LOXL2: variants seen among roughly 807,000 people sequenced by gnomAD.
The protein encoded by LOXL2 is lysyl oxidase homolog 2.
In LOXL2, 70 loss-of-function variants were observed where a neutral mutation model predicts 93.0. The observed-to-expected ratio is 0.75, with a 90% CI of 0.62 to 0.92. LOXL2 has a LOEUF of 0.92. LOXL2 is among the 40% of genes least tolerant of loss of function. LOXL2 has a pLI of 0.00. For missense variants in LOXL2, 973 were observed against 1,054.9 expected, an observed-to-expected ratio of 0.92 and a Z score of 1.08; for synonymous variants, 438 against 413.2, an observed-to-expected ratio of 1.06 and a Z score of -0.73.
Position 23,403,979 on chromosome 8 carries a change from G to T in LOXL2, c.-109C>A. 1 of 165,866 alleles carries T rather than the reference G, an allele frequency of 6.0e-6. No individual in the cohort carries two copies. Among genetic ancestry groups the T allele is most frequent in the Non-Finnish European group, 1.3e-5 (1 of 74,940 alleles). 10.3% of individuals were successfully genotyped at this position (165,866 alleles called of 1,614,324 possible). On this transcript the variant is annotated 5_prime_UTR_variant, in exon 1 of 14. Transcript: ENST00000389131. ...TTGGTTTCAGGGATCCGCAGTGGCC[G>T]GGCTGGGACCGCGCTCTCCACGGTG...
rs1475118378 is a variant in LOXL2, at chr8:23,393,888, A to G, written c.-84+10066T>C. On this transcript the variant is annotated intron_variant, in intron 1 of 13. Coordinates refer to ENST00000389131, the MANE Select transcript of LOXL2 (RefSeq NM_002318.3). ...TAAGCTGGTGATCCCTCTAGAGGGTAAGCATCTGTAGCTTATACACTTCTG... is the reference window on the plus strand; with the variant it reads ...TAAGCTGGTGATCCCTCTAGAGGGTGAGCATCTGTAGCTTATACACTTCTG... Among the ~76,000 whole-genome samples the G allele has an allele frequency of 2.0e-3, 308 of 152,252 alleles. 6 individuals carry two copies. Among genetic ancestry groups the G allele is most frequent in the Non-Finnish European group, 6.0e-4 (41 of 68,012 alleles).
Position 23,362,504 on chromosome 8 carries a change from G to A in LOXL2, c.356-2239C>T, listed in dbSNP as rs545955599. On this transcript the variant is annotated intron_variant, in intron 2 of 13. Transcript: ENST00000389131. ...TCTCAACACTTCGGGAGGCCAAGGC[G>A]GGAGGATCATTCAAGCTCAGGAGTT... 5.3e-5 allele frequency among the ~76,000 whole-genome samples: 8 copies of A among 152,280 alleles called. 1 individual carries two copies. The South Asian group carries it at 8.3e-4, about 16-fold the overall frequency.
chr8:23,305,233 G>A (rs904355644), intron 10 of LOXL2, among the ~76,000 whole-genome samples: 2 of 152,188 alleles, frequency 1.3e-5, no homozygotes, highest in Non-Finnish European at 2.9e-5. Context: ...TTGATGCTCC[G>A]TTGTCTAAAC....
intron 3 of LOXL2, 190 bp from the exon 4 acceptor site, chr8:23,341,393 T>C: frequency 4.9e-6 from 3 of 608,862 alleles, no homozygotes; most frequent in Non-Finnish European, 8.8e-6. Flanking sequence ...GAAAGCGCTA[T>C]GCATGGGAGA....
chr8:23,333,373 G>A, intron 5 of LOXL2, 28 bp downstream of exon 5: 1 of 1,603,100 alleles, frequency 6.2e-7, no homozygotes, highest in Non-Finnish European at 8.5e-7. Flanking sequence ...CAGGTGCCAA[G>A]TGGCCACACC....
intron 1 of LOXL2, among the ~76,000 whole-genome samples, chr8:23,398,038 G>C (rs1415493324): frequency 2.0e-5 from 3 of 150,450 alleles, no homozygotes; most frequent in Admixed American, 1.3e-4. Context: ...AAGATATTTA[G>C]AAAAGTATCT....
intron 1 of LOXL2, among the ~76,000 whole-genome samples, chr8:23,374,252 A>T (rs1804548450): frequency 6.6e-6 from 1 of 152,050 alleles, no homozygotes; most frequent in Non-Finnish European, 1.5e-5. Context: ...TTCCAGCTTC[A>T]TCCATGTCCC....
intron 8 of LOXL2, among the ~76,000 whole-genome samples, chr8:23,318,788 G>A (rs1338871205): frequency 6.6e-6 from 1 of 152,194 alleles, no homozygotes; most frequent in African/African-American, 2.4e-5. Flanking sequence ...GTTGCCTGGG[G>A]AGGCCAAGCT....
chr8:23,342,118 C>T (rs758273903), intron 3 of LOXL2, among the ~76,000 whole-genome samples: 8 of 152,164 alleles, frequency 5.3e-5, no homozygotes, highest in Non-Finnish European at 8.8e-5. Flanking sequence ...CTCCCTGCCA[C>T]GTGGGTGTTC....
intron 1 of LOXL2, among the ~76,000 whole-genome samples, chr8:23,400,244 T>C (rs1800139136): frequency 6.6e-6 from 1 of 152,210 alleles, no homozygotes; most frequent in Middle Eastern, 3.2e-3. Flanking sequence ...TACCCGAGAC[T>C]GGGTACTTTG....
chr8:23,338,707 G>A (rs1803835485), intron 4 of LOXL2, among the ~76,000 whole-genome samples: 1 of 152,170 alleles, frequency 6.6e-6, no homozygotes, highest in South Asian at 2.1e-4. Flanking sequence ...TTCAAGGGCC[G>A]GGCAGGGTGG....
At position 23,328,575 on chromosome 8, in the gene LOXL2, C is replaced by T. The variant is rs761848132; in HGVS notation, c.967-10G>A. The T allele has an allele frequency of 3.5e-5, 56 of 1,613,424 alleles. No individual in the cohort carries two copies. The highest frequency in any genetic ancestry group is 4.5e-5 in the Non-Finnish European group (53 of 1,179,978). ...GTCGCACCAGGGGTTGCTGAAGAGA[C>T]ACACGGTCCTGCTGAGTACAGACGC... On this transcript the variant is annotated splice_polypyrimidine_tract_variant and intron_variant, in intron 5 of 13. Coordinates refer to ENST00000389131, the MANE Select transcript of LOXL2 (RefSeq NM_002318.3).
intron 1 of LOXL2, among the ~76,000 whole-genome samples, chr8:23,378,164 G>A (rs902756515): frequency 2.0e-5 from 3 of 152,158 alleles, no homozygotes; most frequent in African/African-American, 7.2e-5. Flanking sequence ...GCATTTGCTT[G>A]TCTGTAAAGG....
Position 23,317,067 on chromosome 8 carries a change from CA to C in LOXL2, c.1517del (p.Met506ArgfsTer4), listed in dbSNP as rs1194641837. ...HGDVNSNKVV[M>X]SGVKCSGTEL... is the part of the protein sequence containing the mutation. ...CCGTTCCCGAGCACTTCACTCCACT[CA>C]TGACCACTTTGTTGCTGTTGACATC... On this transcript the variant is annotated frameshift_variant, in exon 9 of 14. Coordinates refer to ENST00000389131, the MANE Select transcript of LOXL2 (RefSeq NM_002318.3). LOFTEE classifies it high-confidence loss of function. 3.1e-6 allele frequency: 5 copies of C among 1,614,238 alleles called. No homozygotes were observed. The highest frequency in any genetic ancestry group is 4.2e-6 in the Non-Finnish European group (5 of 1,180,030).
intron 1 of LOXL2, among the ~76,000 whole-genome samples, chr8:23,398,804 A>T (rs1447716544): frequency 2.0e-5 from 3 of 149,652 alleles, no homozygotes; most frequent in Non-Finnish European, 4.4e-5. Context: ...GGACTATACC[A>T]TGCCTGGCTA....
chr8:23,370,133 G>C (rs983333959), intron 1 of LOXL2, among the ~76,000 whole-genome samples: 11 of 151,980 alleles, frequency 7.2e-5, no homozygotes, highest in Non-Finnish European at 1.6e-4. Context: ...TCCCTGCTTC[G>C]GTTCCCACGA....
At chr8:23,389,533 T>G (rs1362562494) in intron 1 of LOXL2, among the ~76,000 whole-genome samples, 1 of 152,210 alleles carries the variant, frequency 6.6e-6, no homozygotes, top group Non-Finnish European at 1.5e-5. Context: ...AGTCGAATAA[T>G]GCCCCATGTG....
At position 23,309,924 on chromosome 8, in the gene LOXL2, G is replaced by A; in HGVS notation, c.1637-13C>T. 6.9e-7 allele frequency: 1 copy of A among 1,455,088 alleles called. No individual in the cohort carries two copies. Among genetic ancestry groups the A allele is most frequent in the Non-Finnish European group, 9.1e-7 (1 of 1,093,630 alleles). The allele number at this position is 1,455,088 out of a possible 1,614,324, so 90.1% of individuals were successfully genotyped here. On this transcript the variant is annotated splice_polypyrimidine_tract_variant and intron_variant, in intron 9 of 13. Transcript: ENST00000389131. ...AGGTCAGGGGCGGCTGCGGAGGATG[G>A]CATGCTGGTCAACAAGGCAAGAGAC...
intron 3 of LOXL2, 22 bp from the exon 4 acceptor site, chr8:23,341,225 A>G: frequency 6.3e-7 from 1 of 1,590,494 alleles, no homozygotes; most frequent in Non-Finnish European, 8.6e-7. Context: ...GAGGCGTGGA[A>G]GGAGAGGGTT....
Sources: gnomAD v4.1 joint callset for allele counts (sites outside exome capture counted in the v4.1 genomes callset) on GRCh38, gnomAD v4.1.1 for gene constraint, MANE v1.5 for transcripts, NCBI Gene and HGNC (gene_info 2026-07-23, HGNC 2026-07-21) for gene names.